The following ERC2 variants were observed in gnomAD, a reference collection of about 807,000 sequenced individuals.
ERC2 encodes the protein ERC protein 2.
In ERC2, 42 loss-of-function variants were observed where a neutral mutation model predicts 114.8. The ratio of observed to expected loss-of-function variants is 0.37; its 90% CI spans 0.29 to 0.47. The LOEUF is 0.47. ERC2 is among the 20% of genes least tolerant of loss of function. The pLI is 0.99. For synonymous variants in ERC2, 454 were observed against 425.5 expected, an observed-to-expected ratio of 1.07 and a Z score of -0.82; for missense variants, 939 against 1,150.7, an observed-to-expected ratio of 0.82 and a Z score of 2.66.
intron 17 of ERC2, among the ~76,000 whole-genome samples, chr3:55,545,722 G>A (rs2054697192): frequency 6.6e-6 from 1 of 152,140 alleles, no homozygotes; most frequent in Admixed American, 6.5e-5. Context: ...AGACTTAAAA[G>A]AGGCAAAGAG....
intron 3 of ERC2, among the ~76,000 whole-genome samples, chr3:56,219,713 C>G (rs1478405677): frequency 1.4e-5 from 2 of 144,936 alleles, no homozygotes; most frequent in African/African-American, 2.5e-5. Context: ...GAGTGTTGGG[C>G]TCAGAGAACC....
intron 5 of ERC2, 37 bp from the exon 6 acceptor site, chr3:56,139,713 T>C (rs2080735412): frequency 6.4e-7 from 1 of 1,553,190 alleles, no homozygotes; most frequent in Non-Finnish European, 8.7e-7. Flanking sequence ...AAATTAGAAA[T>C]TGCTGCCCCT....
intron 3 of ERC2, among the ~76,000 whole-genome samples, chr3:56,175,639 G>A (rs1490557582): frequency 1.3e-5 from 2 of 152,030 alleles, no homozygotes; most frequent in Non-Finnish European, 2.9e-5. Flanking sequence ...TAGGCTGCTG[G>A]AAATTAAAAA....
At chr3:55,524,921 A>G (rs2053211178) in intron 17 of ERC2, among the ~76,000 whole-genome samples, 1 of 152,174 alleles carries the variant, frequency 6.6e-6, no homozygotes, top group South Asian at 2.1e-4. Context: ...TTCCACCTTT[A>G]TAGAGAAAGG....
At chr3:56,127,849 C>T (rs980899799) in intron 6 of ERC2, among the ~76,000 whole-genome samples, 13 of 151,738 alleles carry the variant, frequency 8.6e-5, no homozygotes, top group South Asian at 2.1e-4. Flanking sequence ...AACAAAGATA[C>T]GAAGTATACA....
intron 17 of ERC2, among the ~76,000 whole-genome samples, chr3:55,519,741 G>A (rs1327306380): frequency 6.6e-6 from 1 of 152,062 alleles, no homozygotes; most frequent in Non-Finnish European, 1.5e-5. Context: ...CCTAGTTAAG[G>A]GTAAATTTAG....
intron 13 of ERC2, among the ~76,000 whole-genome samples, chr3:55,905,973 T>C (rs1364581312): frequency 6.6e-6 from 1 of 152,190 alleles, no homozygotes; most frequent in African/African-American, 2.4e-5. Context: ...TGTGTCACAA[T>C]TTTAAATGAC....
At chr3:55,572,481 C>A (rs971868950) in intron 17 of ERC2, among the ~76,000 whole-genome samples, 1 of 152,208 alleles carries the variant, frequency 6.6e-6, no homozygotes, top group Non-Finnish European at 1.5e-5. Flanking sequence ...ACACCAGGGG[C>A]CATTTTTTGG....
chr3:55,963,654 C>T (rs975996573), intron 12 of ERC2, among the ~76,000 whole-genome samples: 4 of 152,152 alleles, frequency 2.6e-5, no homozygotes, highest in African/African-American at 9.7e-5. Flanking sequence ...CATTTAATTG[C>T]CACAATTCCA....
intron 1 of ERC2, among the ~76,000 whole-genome samples, chr3:56,457,031 A>G (rs561463784): frequency 6.6e-6 from 1 of 152,234 alleles, no homozygotes. Flanking sequence ...AATCTTGTAC[A>G]TTTCAAGGAA....
intron 17 of ERC2, among the ~76,000 whole-genome samples, chr3:55,614,776 G>A (rs1268776852): frequency 6.6e-6 from 1 of 152,168 alleles, no homozygotes; most frequent in African/African-American, 2.4e-5. Context: ...AAAAGACTGA[G>A]CGGGGAAAAA....
chr3:56,319,938 G>C (rs927301666), intron 2 of ERC2, among the ~76,000 whole-genome samples: 1 of 152,142 alleles, frequency 6.6e-6, no homozygotes, highest in Admixed American at 6.5e-5. Flanking sequence ...ACTCACTAAA[G>C]ATACAGGGAG....
Position 55,793,151 on chromosome 3 carries a change from G to A in ERC2, c.2565-58233C>T, listed in dbSNP as rs116472294. On this transcript the variant is annotated intron_variant, in intron 14 of 17. Coordinates refer to ENST00000288221, the MANE Select transcript of ERC2 (RefSeq NM_015576.3). ...GCAATCTCTGCTCACTGCAAACTCCGCCTCCCAGGTTTAAGGGATTCTCCT... is the reference window on the plus strand; with the variant it reads ...GCAATCTCTGCTCACTGCAAACTCCACCTCCCAGGTTTAAGGGATTCTCCT... Among the ~76,000 whole-genome samples, 806 of 152,190 alleles carry A rather than the reference G, an allele frequency of 5.3e-3. 5 individuals carry two copies. The highest frequency in any genetic ancestry group is 0.018 in the African/African-American group (765 of 41,520).
intron 2 of ERC2, among the ~76,000 whole-genome samples, chr3:56,312,757 G>A (rs2056653611): frequency 6.6e-6 from 1 of 151,046 alleles, no homozygotes; most frequent in Non-Finnish European, 1.5e-5. Flanking sequence ...GGAAAACCAT[G>A]AGGAGTCTGT....
chr3:56,095,476 T>C (rs1177226090), intron 6 of ERC2, among the ~76,000 whole-genome samples: 1 of 152,200 alleles, frequency 6.6e-6, no homozygotes, highest in African/African-American at 2.4e-5. Context: ...TATTCCAGTA[T>C]GTCTAACATG....
In ERC2 at chr3:55,548,181, G is replaced by T. The variant is rs544130224; in HGVS notation, c.*40-36905C>A. Among the ~76,000 whole-genome samples the T allele has an allele frequency of 2.0e-5, 3 of 152,226 alleles. 1 individual carries two copies. The South Asian group carries it at 6.2e-4, about 32-fold the overall frequency. The stretch of plus-strand genomic sequence containing the variant: ...GACCTGTGGCCCCTACATTCCAGGG[G>T]TTACCAGCTGATGTGAATGCCTGTG... On this transcript the variant is annotated intron_variant, in intron 17 of 17. Coordinates refer to ENST00000288221, the MANE Select transcript of ERC2 (RefSeq NM_015576.3).
At chr3:55,648,446 C>T (rs1160510146) in intron 17 of ERC2, among the ~76,000 whole-genome samples, 1 of 152,158 alleles carries the variant, frequency 6.6e-6, no homozygotes, top group Non-Finnish European at 1.5e-5. Context: ...ACTTTACGTG[C>T]TGCCTGGCAC....
chr3:55,747,401 A>G (rs1240588356), intron 14 of ERC2, among the ~76,000 whole-genome samples: 6 of 152,292 alleles, frequency 3.9e-5, no homozygotes, highest in Admixed American at 1.3e-4. Flanking sequence ...ATTTGCTAAG[A>G]GAACACCCAG....
intron 7 of ERC2, among the ~76,000 whole-genome samples, chr3:56,019,828 T>C (rs572503472): frequency 6.6e-6 from 1 of 152,296 alleles, no homozygotes; most frequent in Admixed American, 6.5e-5. Flanking sequence ...CATGTATTTC[T>C]TATCTAAGGA....
Sources: gnomAD v4.1 joint callset for allele counts (sites outside exome capture counted in the v4.1 genomes callset) on GRCh38, gnomAD v4.1.1 for gene constraint, MANE v1.5 for transcripts, NCBI Gene and HGNC (gene_info 2026-07-23, HGNC 2026-07-21) for gene names.